The following OTUD7A variants were observed in gnomAD, a reference collection of about 807,000 sequenced individuals.
OTUD7A encodes the protein OTU deubiquitinase 7A, also known as OTU domain-containing protein 7A.
In OTUD7A, 12 loss-of-function variants were observed where a neutral mutation model predicts 65.7. The observed-to-expected ratio is 0.18, with a 90% CI of 0.12 to 0.30. The LOEUF is 0.30. Ranked by LOEUF, OTUD7A falls within the 10% of genes least tolerant of loss-of-function variation. OTUD7A has a pLI of 1.00. For synonymous variants in OTUD7A, 641 were observed against 586.3 expected (o/e 1.09, Z -1.35); for missense variants, 1,148 against 1,304.8 (o/e 0.88, Z 1.85).
chr15:31,763,384 A>C (rs2140906066), intron 1 of OTUD7A, among the ~76,000 whole-genome samples: 1 of 152,336 alleles, frequency 6.6e-6, no homozygotes, highest in Middle Eastern at 3.4e-3. Flanking sequence ...GAAAAATACA[A>C]TAGCTGACAT....
At position 31,484,003 on chromosome 15, in the gene OTUD7A, G is replaced by C; in HGVS notation, c.2093C>G (p.Ala698Gly). Residue 698 changes from alanine (A) to glycine (G), a missense_variant, in exon 13 of 13, where the codon GCC becomes GGC. Physicochemically the swap from Ala to Gly is moderately conservative, Grantham distance 60. Around this residue, in one of 6 missense-constraint regions of OTUD7A, gnomAD observed 842 missense variants for 769.5 expected, o/e 1.09. Coordinates refer to ENST00000307050, the MANE Select transcript of OTUD7A (RefSeq NM_001382637.1). This position sits in a 1 kb window ranked among gnomAD's most constrained non-coding sequence, Gnocchi z 4.5. ...CTCCGGTCTGCGCGGCGGCCGCTTG[G>C]CCGTGGCGGCGGCGGCGGCGGCGGC... ...AAAAAAAAAT[A>G]KRPPRRPETE... is the part of the protein sequence containing the mutation. The C allele has an allele frequency of 4.5e-6, 5 of 1,107,762 alleles. No individual in the cohort carries two copies. Among genetic ancestry groups the C allele is most frequent in the Non-Finnish European group, 5.4e-6 (5 of 929,704 alleles). The allele number at this position is 1,107,762 out of a possible 1,614,324, so 68.6% of individuals were successfully genotyped here.
intron 3 of OTUD7A, among the ~76,000 whole-genome samples, chr15:31,644,311 A>G (rs1325250798): frequency 6.6e-6 from 1 of 151,968 alleles, no homozygotes; most frequent in Non-Finnish European, 1.5e-5. Flanking sequence ...CTTTTGCCTA[A>G]TAAACTTCTG....
intron 3 of OTUD7A, among the ~76,000 whole-genome samples, chr15:31,592,984 G>T (rs1889794031): frequency 8.0e-6 from 1 of 124,826 alleles, no homozygotes; most frequent in East Asian, 2.4e-4. Flanking sequence ...TATATAGAAG[G>T]CATGCACTCT....
intron 1 of OTUD7A, among the ~76,000 whole-genome samples, chr15:31,818,963 G>A (rs965132722): frequency 6.6e-6 from 1 of 152,178 alleles, no homozygotes; most frequent in African/African-American, 2.4e-5. Context: ...TCAGTCCTGT[G>A]GGACAGAGGG....
intron 5 of OTUD7A, among the ~76,000 whole-genome samples, chr15:31,535,701 G>T (rs1887776947): frequency 7.6e-6 from 1 of 131,712 alleles, no homozygotes; most frequent in South Asian, 2.5e-4. Context: ...TTTTGAGACA[G>T]AGTCTCGCTC....
intron 1 of OTUD7A, among the ~76,000 whole-genome samples, chr15:31,827,189 G>A (rs894538569): frequency 1.3e-5 from 2 of 152,190 alleles, no homozygotes; most frequent in African/African-American, 2.4e-5. Context: ...AACTGAGACT[G>A]GGCAGTTTAC....
chr15:31,610,622 T>A (rs1317849412), intron 3 of OTUD7A, among the ~76,000 whole-genome samples: 6 of 91,764 alleles, frequency 6.5e-5, no homozygotes, highest in African/African-American at 1.8e-4. Context: ...TATATATTTT[T>A]TTTTTTTTTT....
intron 1 of OTUD7A, among the ~76,000 whole-genome samples, chr15:31,762,097 C>T (rs1894980434): frequency 3.9e-5 from 6 of 152,156 alleles, no homozygotes; most frequent in Admixed American, 3.9e-4. Context: ...TGTGAATATA[C>T]TAAAAATCAA....
chr15:31,863,640 T>C (rs910839254), intron 1 of OTUD7A, among the ~76,000 whole-genome samples: 19 of 152,288 alleles, frequency 1.2e-4, no homozygotes, highest in African/African-American at 4.1e-4. Context: ...TGCACACAGC[T>C]CGGGGACCCT....
chr15:31,841,720 C>A (rs1013771619), intron 1 of OTUD7A, among the ~76,000 whole-genome samples: 13 of 152,132 alleles, frequency 8.5e-5, no homozygotes, highest in African/African-American at 2.9e-4. Flanking sequence ...TCCTGCTTGA[C>A]CCAAAATTAA....
At chr15:31,601,234 A>G (rs1272269449) in intron 3 of OTUD7A, among the ~76,000 whole-genome samples, 2 of 152,220 alleles carry the variant, frequency 1.3e-5, no homozygotes, top group East Asian at 3.8e-4. Context: ...AGCAAATGCA[A>G]AACAATGGAA....
chr15:31,699,380 A>G (rs550903483), intron 1 of OTUD7A, among the ~76,000 whole-genome samples: 11 of 152,198 alleles, frequency 7.2e-5, no homozygotes, highest in East Asian at 3.9e-4. Flanking sequence ...CGCTCAGCCA[A>G]TACTGTTGTT....
chr15:31,773,851 G>A (rs1374687831), intron 1 of OTUD7A, among the ~76,000 whole-genome samples: 1 of 152,138 alleles, frequency 6.6e-6, no homozygotes, highest in African/African-American at 2.4e-5. Context: ...CATACAAATA[G>A]TGAATGAGAT....
At chr15:31,729,310 C>G (rs1339672019) in intron 1 of OTUD7A, among the ~76,000 whole-genome samples, 2 of 152,152 alleles carry the variant, frequency 1.3e-5, no homozygotes, top group Non-Finnish European at 2.9e-5. Flanking sequence ...AACCATGATA[C>G]CCTGTGGATG....
intron 8 of OTUD7A, among the ~76,000 whole-genome samples, chr15:31,511,166 TACATATGTATATCTATATGTAACAC>T (rs1566893151): frequency 0.026 from 164 of 6,242 alleles, 17 homozygotes; most frequent in Non-Finnish European, 0.033. Context: ...ATATGTAACA[TACATATGTATATCTATATGTAACAC>T]ACATATGTAT....
chr15:31,510,587 A>G (rs1442508748), intron 8 of OTUD7A, among the ~76,000 whole-genome samples: 2 of 40,256 alleles, frequency 5.0e-5, no homozygotes, highest in Non-Finnish European at 9.9e-5. Flanking sequence ...TGTAACATAC[A>G]TATGTATATC....
At chr15:31,485,373 TCTCA>T (rs1360330422) in intron 12 of OTUD7A, among the ~76,000 whole-genome samples, 1 of 152,236 alleles carries the variant, frequency 6.6e-6, no homozygotes, top group Admixed American at 6.5e-5. Flanking sequence ...GGAGTTCCTT[TCTCA>T]CTCAGTTTGG....
At chr15:31,596,671 T>C (rs1181227982) in intron 3 of OTUD7A, among the ~76,000 whole-genome samples, 1 of 152,190 alleles carries the variant, frequency 6.6e-6, no homozygotes, top group African/African-American at 2.4e-5. Context: ...TTTTTTTTGT[T>C]TTGGTGGGTG....
At chr15:31,595,153 T>C (rs1312624826) in intron 3 of OTUD7A, among the ~76,000 whole-genome samples, 3 of 152,142 alleles carry the variant, frequency 2.0e-5, no homozygotes, top group African/African-American at 7.2e-5. Flanking sequence ...TGGGCCTGTG[T>C]GGCTGTAGAG....
Sources: gnomAD v4.1 joint callset for allele counts (sites outside exome capture counted in the v4.1 genomes callset) on GRCh38, gnomAD v4.1.1 for gene constraint, gnomAD v4.1.1 regional missense constraint, Gnocchi (gnomAD v3.1) non-coding constraint, MANE v1.5 for transcripts, NCBI Gene and HGNC (gene_info 2026-07-23, HGNC 2026-07-21) for gene names.